The following IGSF11 variants were observed in gnomAD, a reference collection of about 807,000 sequenced individuals.
The protein encoded by IGSF11 is CXADR like 1.
A neutral mutation model predicts 41.0 loss-of-function variants in IGSF11; 22 were observed. That is an observed-to-expected ratio of 0.54 (90% CI 0.38 to 0.77). IGSF11 has a LOEUF of 0.77. Ranked by LOEUF, IGSF11 falls within the 30% of genes least tolerant of loss-of-function variation. The pLI, the probability that IGSF11 is intolerant of heterozygous loss-of-function variation, is 0.00. For synonymous variants in IGSF11, 219 were observed against 201.3 expected, an observed-to-expected ratio of 1.09 and a Z score of -0.74; for missense variants, 444 against 530.8, an observed-to-expected ratio of 0.84 and a Z score of 1.61.
chr3:119,140,399 G>A (rs180922724), intron 1 of IGSF11, among the ~76,000 whole-genome samples: 1 of 152,156 alleles, frequency 6.6e-6, no homozygotes, highest in Admixed American at 6.5e-5. Context: ...ATGATAAGAA[G>A]GTCAATCTAT....
At chr3:118,970,885 GA>G (rs879453285) in intron 1 of IGSF11, among the ~76,000 whole-genome samples, 32 of 148,912 alleles carry the variant, frequency 2.1e-4, no homozygotes, top group South Asian at 4.3e-4. Context: ...TTAATTATTT[GA>G]AAAAAAAAAT....
intron 1 of IGSF11, among the ~76,000 whole-genome samples, chr3:119,142,667 G>C (rs538230546): frequency 6.6e-6 from 1 of 151,050 alleles, no homozygotes; most frequent in South Asian, 2.1e-4. Context: ...GAGAGAGAAA[G>C]GGAAAGAAAA....
intron 1 of IGSF11, among the ~76,000 whole-genome samples, chr3:119,111,959 C>G (rs2077170590): frequency 6.6e-6 from 1 of 152,208 alleles, no homozygotes; most frequent in South Asian, 2.1e-4. Flanking sequence ...GAAGTTTTGT[C>G]TCAGAGGAGT....
intron 1 of IGSF11, among the ~76,000 whole-genome samples, chr3:119,061,466 G>T (rs927898513): frequency 1.3e-5 from 2 of 152,120 alleles, no homozygotes; most frequent in African/African-American, 4.8e-5. Context: ...TGTAGGATGG[G>T]ACTCAATGGA....
intron 1 of IGSF11, among the ~76,000 whole-genome samples, chr3:119,014,449 G>C (rs1433866927): frequency 6.6e-6 from 1 of 152,020 alleles, no homozygotes; most frequent in Non-Finnish European, 1.5e-5. Flanking sequence ...GTACATTCAT[G>C]GGACATACAC....
chr3:119,023,464 C>G (rs1342240233), intron 1 of IGSF11, among the ~76,000 whole-genome samples: 5 of 151,990 alleles, frequency 3.3e-5, no homozygotes, highest in Admixed American at 1.3e-4. Flanking sequence ...TTCCTAAAGT[C>G]TGGACAATAT....
chr3:119,022,459 T>C (rs985327152), intron 1 of IGSF11, among the ~76,000 whole-genome samples: 1 of 152,224 alleles, frequency 6.6e-6, no homozygotes, highest in Non-Finnish European at 1.5e-5. Flanking sequence ...TTTAAAATAA[T>C]GTAAAATACC....
chr3:119,005,503 A>G (rs927324417), intron 1 of IGSF11, among the ~76,000 whole-genome samples: 2 of 146,738 alleles, frequency 1.4e-5, no homozygotes. Context: ...TAATCCTGTC[A>G]TTATGATGTT....
intron 1 of IGSF11, among the ~76,000 whole-genome samples, chr3:119,081,850 G>A (rs535145399): frequency 1.3e-5 from 2 of 152,190 alleles, no homozygotes; most frequent in South Asian, 4.2e-4. Context: ...ATATATTTAG[G>A]GACAAGAAAC....
Position 118,988,755 on chromosome 3 carries a change from T to C in IGSF11, c.52+45776A>G, listed in dbSNP as rs188676949. 2.0e-4 allele frequency among the ~76,000 whole-genome samples: 30 copies of C among 152,352 alleles called. No individual in the cohort carries two copies. In the East Asian group the frequency reaches 5.6e-3, roughly 28 times the overall value. ...TTGCTTAAAAAAAAACTTGCTTCAA[T>C]GGCACTACGAGTTCTATTCTCCTCT... On this transcript the variant is annotated intron_variant, in intron 1 of 6. Transcript: ENST00000393775.
intron 4 of IGSF11, 51 bp downstream of exon 4, chr3:118,926,050 T>C (rs758576522): frequency 1.5e-6 from 2 of 1,311,594 alleles, no homozygotes; most frequent in Non-Finnish European, 2.0e-6. Context: ...TTTTGAATAT[T>C]AGAATTGTCC....
chr3:119,057,735 A>G (rs1337881629), intron 1 of IGSF11, among the ~76,000 whole-genome samples: 3 of 152,234 alleles, frequency 2.0e-5, no homozygotes, highest in Non-Finnish European at 4.4e-5. Flanking sequence ...CTACAAGGCT[A>G]CAGTAACCAA....
chr3:118,912,451 C>T (rs995514298), intron 4 of IGSF11, among the ~76,000 whole-genome samples: 14 of 152,120 alleles, frequency 9.2e-5, no homozygotes, highest in African/African-American at 2.2e-4. Context: ...GGACAAATCC[C>T]GTGTTGCCTC....
chr3:119,060,274 C>T (rs1942011505), intron 1 of IGSF11, among the ~76,000 whole-genome samples: 2 of 152,136 alleles, frequency 1.3e-5, no homozygotes, highest in Non-Finnish European at 2.9e-5. Context: ...TTAACTTATA[C>T]TTCAAAAGAG....
At chr3:119,077,345 C>A (rs1024048508) in intron 1 of IGSF11, among the ~76,000 whole-genome samples, 7 of 151,890 alleles carry the variant, frequency 4.6e-5, no homozygotes, top group Admixed American at 4.6e-4. Context: ...TACAGCACAC[C>A]AACATGGCAC....
intron 1 of IGSF11, among the ~76,000 whole-genome samples, chr3:119,121,414 T>C (rs917960460): frequency 2.6e-5 from 4 of 152,060 alleles, no homozygotes; most frequent in African/African-American, 9.7e-5. Context: ...AGAAGTACAA[T>C]AACTAAAATG....
chr3:118,910,962 A>G (rs1040866158), intron 4 of IGSF11, among the ~76,000 whole-genome samples: 2 of 152,142 alleles, frequency 1.3e-5, no homozygotes, highest in African/African-American at 4.8e-5. Flanking sequence ...ATACATTTTC[A>G]TAGCATTAAC....
chr3:119,131,414 C>A (rs181488464), intron 1 of IGSF11, among the ~76,000 whole-genome samples: 1 of 152,072 alleles, frequency 6.6e-6, no homozygotes, highest in Non-Finnish European at 1.5e-5. Flanking sequence ...CGTACACAAG[C>A]TTCACAGCAG....
upstream of IGSF11, among the ~76,000 whole-genome samples, chr3:119,036,369 A>G (rs897163895): frequency 1.3e-5 from 2 of 152,090 alleles, no homozygotes; most frequent in Non-Finnish European, 2.9e-5. Flanking sequence ...TCTTTTTTCC[A>G]TCCAATTCAA....
Sources: gnomAD v4.1 joint callset for allele counts (sites outside exome capture counted in the v4.1 genomes callset) on GRCh38, gnomAD v4.1.1 for gene constraint, MANE v1.5 for transcripts, NCBI Gene and HGNC (gene_info 2026-07-23, HGNC 2026-07-21) for gene names.